ATP8A2: variants seen among roughly 807,000 people sequenced by gnomAD.
ATP8A2 encodes the protein ATPase phospholipid transporting 8A2.
Under a neutral mutation model 165.6 loss-of-function variants are expected in ATP8A2, and 100 were observed. That is an observed-to-expected ratio of 0.60 (90% CI 0.51 to 0.71). The LOEUF (loss-of-function observed/expected upper bound fraction) is 0.71. ATP8A2 is among the 30% of genes least tolerant of loss of function. The pLI is 0.00. For synonymous variants in ATP8A2, 543 were observed against 548.8 expected (o/e 0.99, Z 0.15); for missense variants, 1,227 against 1,479.5 (o/e 0.83, Z 2.80).
At chr13:25,473,308 A>G (rs1199197657) in intron 2 of ATP8A2, among the ~76,000 whole-genome samples, 1 of 152,236 alleles carries the variant, frequency 6.6e-6, no homozygotes, top group Non-Finnish European at 1.5e-5. Context: ...CAATGAATTC[A>G]GATTATCATA....
At chr13:25,473,059 G>A (rs1593360418) in intron 2 of ATP8A2, among the ~76,000 whole-genome samples, 1 of 152,178 alleles carries the variant, frequency 6.6e-6, no homozygotes, top group Non-Finnish European at 1.5e-5. Flanking sequence ...TGGGTCTAGG[G>A]AAATGCCTAG....
intron 33 of ATP8A2, chr13:25,863,552 C>G (rs1324397228): frequency 6.6e-6 from 1 of 151,988 alleles, no homozygotes; most frequent in Non-Finnish European, 1.5e-5. Context: ...GTGTTCCTGC[C>G]CCAGGATACA....
intron 18 of ATP8A2, among the ~76,000 whole-genome samples, chr13:25,572,894 T>C (rs2039508560): frequency 1.3e-5 from 2 of 152,238 alleles, no homozygotes; most frequent in African/African-American, 2.4e-5. Context: ...GTAAGTTTTT[T>C]CTTTTAGTTA....
At chr13:25,525,098 G>T (rs35010257) in intron 2 of ATP8A2, among the ~76,000 whole-genome samples, 9,686 of 151,824 alleles carry the variant, frequency 0.064, 400 homozygotes, top group South Asian at 0.13. Context: ...GAAACATCTT[G>T]TAGATATAAC....
chr13:25,623,361 A>G (rs1430344961), intron 24 of ATP8A2, among the ~76,000 whole-genome samples: 1 of 152,176 alleles, frequency 6.6e-6, no homozygotes, highest in Non-Finnish European at 1.5e-5. Context: ...ATGCCACTGC[A>G]TTCCAGCCTG....
At chr13:25,731,322 G>A (rs1404825345) in intron 25 of ATP8A2, among the ~76,000 whole-genome samples, 1 of 110,650 alleles carries the variant, frequency 9.0e-6, no homozygotes, top group South Asian at 2.5e-4. Flanking sequence ...CGGAAGGAGA[G>A]AGAAAGAGAG....
At chr13:25,608,111 T>A (rs2040565490) in intron 24 of ATP8A2, among the ~76,000 whole-genome samples, 1 of 152,206 alleles carries the variant, frequency 6.6e-6, no homozygotes, top group Admixed American at 6.5e-5. Context: ...CAAAGAGGCT[T>A]ATTTGGCTTA....
chr13:25,763,241 C>A (rs1404436005), intron 25 of ATP8A2, among the ~76,000 whole-genome samples: 1 of 152,160 alleles, frequency 6.6e-6, no homozygotes, highest in East Asian at 1.9e-4. Flanking sequence ...TCAGCACTCA[C>A]CTTGCTTTTC....
chr13:25,381,580 G>A (rs866732389), intron 1 of ATP8A2, among the ~76,000 whole-genome samples: 12 of 152,304 alleles, frequency 7.9e-5, no homozygotes, highest in Non-Finnish European at 1.6e-4. Context: ...TATGGACTGT[G>A]ATAATAAACA....
intron 33 of ATP8A2, among the ~76,000 whole-genome samples, chr13:25,903,519 G>A (rs1953831975): frequency 6.6e-6 from 1 of 152,172 alleles, no homozygotes; most frequent in African/African-American, 2.4e-5. Flanking sequence ...TCAGAAACTT[G>A]CCGTGGCTTC....
chr13:25,880,193 T>C, intron 33 of ATP8A2, among the ~76,000 whole-genome samples: 1 of 152,188 alleles, frequency 6.6e-6, no homozygotes, highest in East Asian at 1.9e-4. Flanking sequence ...ACATAATTCG[T>C]CAGTGTCTAA....
intron 36 of ATP8A2, among the ~76,000 whole-genome samples, chr13:26,013,183 C>G (rs9512026): frequency 6.6e-6 from 1 of 151,538 alleles, no homozygotes; most frequent in African/African-American, 2.4e-5. Context: ...GCAATCCAGT[C>G]ATCAGATCCC....
chr13:25,717,235 A>C (rs772389765), intron 25 of ATP8A2, among the ~76,000 whole-genome samples: 9 of 152,152 alleles, frequency 5.9e-5, no homozygotes, highest in Non-Finnish European at 1.0e-4. Context: ...AGGGTGGTCT[A>C]GATGTAAAAT....
intron 1 of ATP8A2, among the ~76,000 whole-genome samples, chr13:25,463,111 ATTTC>A (rs1302776418): frequency 8.9e-6 from 1 of 112,746 alleles, no homozygotes; most frequent in African/African-American, 3.3e-5. Context: ...AGATGAAGGT[ATTTC>A]TTTCTGAAGT....
At chr13:25,939,034 G>T (rs1954992960) in intron 33 of ATP8A2, among the ~76,000 whole-genome samples, 1 of 151,990 alleles carries the variant, frequency 6.6e-6, no homozygotes, top group African/African-American at 2.4e-5. Flanking sequence ...GTAGAGATGG[G>T]GTTTCGCCAT....
intron 27 of ATP8A2, among the ~76,000 whole-genome samples, chr13:25,791,636 G>A (rs866866349): frequency 6.6e-6 from 1 of 151,646 alleles, no homozygotes; most frequent in African/African-American, 2.4e-5. Flanking sequence ...GACTCCATGC[G>A]AAAGTGGTTT....
chr13:25,570,821 G>A lies in ATP8A2; in HGVS notation c.1528G>A (p.Val510Ile). ...FLTLLAVCHT[V>I]VPEKDGDNII... The stretch of plus-strand genomic sequence containing the variant: ...CACCCTTCTGGCCGTGTGCCACACG[G>A]TTGTTCCTGAGAAGGATGGAGATAA... The change falls in exon 17 of 37, where the codon GTT becomes ATT. Residue 510 changes from valine (V) to isoleucine (I), a missense_variant. By Grantham distance (29) the Val-to-Ile change is conservative. Transcript: ENST00000381655. 6.2e-7 allele frequency: 1 copy of A among 1,613,802 alleles called. No homozygotes were observed. The highest frequency in any genetic ancestry group is 8.5e-7 in the Non-Finnish European group (1 of 1,179,746).
At chr13:25,596,696 G>T (rs963133358) in intron 24 of ATP8A2, among the ~76,000 whole-genome samples, 1 of 152,100 alleles carries the variant, frequency 6.6e-6, no homozygotes, top group Admixed American at 6.5e-5. Flanking sequence ...TTTTCAGTTT[G>T]AGGTTATTAT....
chr13:25,752,376 G>A (rs371609216), intron 25 of ATP8A2, among the ~76,000 whole-genome samples: 2 of 151,924 alleles, frequency 1.3e-5, no homozygotes, highest in East Asian at 3.9e-4. Flanking sequence ...CAGGAGAATC[G>A]CTTGAACCCG....
Sources: gnomAD v4.1 joint callset for allele counts (sites outside exome capture counted in the v4.1 genomes callset) on GRCh38, gnomAD v4.1.1 for gene constraint, MANE v1.5 for transcripts, NCBI Gene and HGNC (gene_info 2026-07-23, HGNC 2026-07-21) for gene names.